Variants in NTNG1 observed in about 807,000 individuals in gnomAD.
NTNG1 encodes netrin G1, also known as netrin-G1.
A neutral mutation model predicts 54.0 loss-of-function variants in NTNG1; 16 were observed. That is an observed-to-expected ratio of 0.30 (90% CI 0.20 to 0.45). The LOEUF (loss-of-function observed/expected upper bound fraction) is 0.45. Ranked by LOEUF, NTNG1 falls within the 20% of genes least tolerant of loss-of-function variation. The pLI is 1.00. For missense variants in NTNG1, 530 were observed against 678.7 expected, an observed-to-expected ratio of 0.78 and a Z score of 2.43; for synonymous variants, 255 against 263.1, an observed-to-expected ratio of 0.97 and a Z score of 0.30.
chr1:107,234,225 C>G lies in NTNG1; in HGVS notation c.246+85386C>G, dbSNP rs147102133. 5.2e-3 allele frequency among the ~76,000 whole-genome samples: 798 copies of G among 152,206 alleles called. 18 individuals carry two copies. Among genetic ancestry groups the G allele is most frequent in the African/African-American group, 0.019 (769 of 41,536 alleles). On this transcript the variant is annotated intron_variant, in intron 2 of 7. Coordinates refer to ENST00000370068, the MANE Select transcript of NTNG1 (RefSeq NM_001113226.3). Reference sequence around the variant, plus strand: ...GCAACGTCTGTCTCCTGGGTTCAAGCGATTTTCCTGCCTCAGTCTCCCGAG... The same window carrying G: ...GCAACGTCTGTCTCCTGGGTTCAAGGGATTTTCCTGCCTCAGTCTCCCGAG...
intron 2 of NTNG1, among the ~76,000 whole-genome samples, chr1:107,163,177 C>T (rs1655534841): frequency 6.6e-6 from 1 of 152,062 alleles, no homozygotes; most frequent in South Asian, 2.1e-4. Flanking sequence ...TTTCTGGGAT[C>T]AGAAGCTTTT....
At chr1:107,164,774 T>C (rs955387126) in intron 2 of NTNG1, among the ~76,000 whole-genome samples, 2 of 151,112 alleles carry the variant, frequency 1.3e-5, no homozygotes, top group African/African-American at 5.0e-5. Context: ...AAAACGCTTG[T>C]TCCTCAGTGC....
At chr1:107,419,734 AAC>A (rs977882238) in intron 5 of NTNG1, among the ~76,000 whole-genome samples, 1 of 152,004 alleles carries the variant, frequency 6.6e-6, no homozygotes, top group Non-Finnish European at 1.5e-5. Flanking sequence ...CAAAAGGAGG[AAC>A]CAGGAAATAG....
rs74943792 is a variant in NTNG1, at chr1:107,339,071, T to G, written c.887+14149T>G. ...AGAGCAAGTCAGTTGAGAAATCCCATCCACATTCACTTTAGAACCATTATT... is the reference window on the plus strand; with the variant it reads ...AGAGCAAGTCAGTTGAGAAATCCCAGCCACATTCACTTTAGAACCATTATT... On this transcript the variant is annotated intron_variant, in intron 3 of 7. Coordinates refer to ENST00000370068, the MANE Select transcript of NTNG1 (RefSeq NM_001113226.3). 6.0e-3 allele frequency among the ~76,000 whole-genome samples: 915 copies of G among 152,104 alleles called. 10 individuals carry two copies. The highest frequency in any genetic ancestry group is 6.8e-3 in the Non-Finnish European group (463 of 67,932).
At chr1:107,346,271 T>C (rs1331291256) in intron 3 of NTNG1, among the ~76,000 whole-genome samples, 2 of 152,218 alleles carry the variant, frequency 1.3e-5, no homozygotes, top group East Asian at 3.9e-4. Context: ...TTTCTTTGGC[T>C]CTGGGTATAG....
At chr1:107,400,045 T>C (rs1570872848) in intron 4 of NTNG1, among the ~76,000 whole-genome samples, 1 of 152,170 alleles carries the variant, frequency 6.6e-6, no homozygotes, top group Non-Finnish European at 1.5e-5. Context: ...CTTAGTATTA[T>C]TGATTTAGTC....
chr1:107,142,692 A>G (rs1653819889), intron 1 of NTNG1, among the ~76,000 whole-genome samples: 1 of 150,126 alleles, frequency 6.7e-6, no homozygotes, highest in Non-Finnish European at 1.5e-5. Context: ...AAAAAAACCC[A>G]GGAAGATCTT....
At chr1:107,293,888 A>AT (rs34404098) in intron 2 of NTNG1, among the ~76,000 whole-genome samples, 61,767 of 151,844 alleles carry the variant, frequency 0.41, 12,657 homozygotes, top group East Asian at 0.5. Flanking sequence ...CTTATAAGTG[A>AT]TTTTTTTTCT....
Position 107,324,677 on chromosome 1 carries a change from T to C in NTNG1, c.642T>C (p.Tyr214=). 6.2e-7 allele frequency: 1 copy of C among 1,613,618 alleles called. No homozygotes were observed. The highest frequency in any genetic ancestry group is 8.5e-7 in the Non-Finnish European group (1 of 1,179,788). ...GCACAGAAGAGTACTCAACAGGGTATACAACAAATAGCAAAATAATCCACT... is the reference window on the plus strand; with the variant it reads ...GCACAGAAGAGTACTCAACAGGGTACACAACAAATAGCAAAATAATCCACT... ...IICTEEYSTG[Y]TTNSKIIHFE... The change falls in exon 3 of 8, where the codon TAT becomes TAC. Residue 214 remains tyrosine (Y), a synonymous_variant. Coordinates refer to ENST00000370068, the MANE Select transcript of NTNG1 (RefSeq NM_001113226.3).
chr1:107,251,730 G>A (rs1447718457), intron 2 of NTNG1, among the ~76,000 whole-genome samples: 1 of 152,142 alleles, frequency 6.6e-6, no homozygotes, highest in Non-Finnish European at 1.5e-5. Flanking sequence ...TAGACAGTAA[G>A]GGCCCTTCCT....
At chr1:107,319,244 G>A (rs973548466) in intron 2 of NTNG1, among the ~76,000 whole-genome samples, 5 of 152,140 alleles carry the variant, frequency 3.3e-5, no homozygotes, top group African/African-American at 1.2e-4. Context: ...GAATTTGGGA[G>A]CAGAAGGACT....
intron 2 of NTNG1, among the ~76,000 whole-genome samples, chr1:107,307,205 T>G (rs1300691713): frequency 6.6e-6 from 1 of 152,216 alleles, no homozygotes; most frequent in Non-Finnish European, 1.5e-5. Context: ...TAAAATTGCA[T>G]TTTGCATTTA....
At chr1:107,390,323 A>C (rs896451304) in intron 3 of NTNG1, among the ~76,000 whole-genome samples, 4 of 152,220 alleles carry the variant, frequency 2.6e-5, no homozygotes, top group African/African-American at 9.6e-5. Flanking sequence ...CCATCCTTGC[A>C]TGAGACATTA....
chr1:107,333,864 G>T (rs1416536302), intron 3 of NTNG1: 2 of 148,670 alleles, frequency 1.3e-5, no homozygotes, highest in African/African-American at 2.5e-5. Flanking sequence ...TTTGAACCTT[G>T]GAGTACTATG....
At chr1:107,369,130 T>A (rs925242103) in intron 3 of NTNG1, among the ~76,000 whole-genome samples, 3 of 152,232 alleles carry the variant, frequency 2.0e-5, no homozygotes, top group Non-Finnish European at 4.4e-5. Flanking sequence ...TGTGTATTAT[T>A]CCATTATTTA....
chr1:107,366,983 G>T (rs1286631212), intron 3 of NTNG1, among the ~76,000 whole-genome samples: 1 of 151,842 alleles, frequency 6.6e-6, no homozygotes, highest in African/African-American at 2.4e-5. Context: ...TATATTACTT[G>T]CTTGATCTAT....
At chr1:107,418,275 T>C (rs1414515280) in intron 5 of NTNG1, among the ~76,000 whole-genome samples, 1 of 152,086 alleles carries the variant, frequency 6.6e-6, no homozygotes, top group East Asian at 1.9e-4. Context: ...CTTTACATAA[T>C]GGTTTGGATT....
At chr1:107,261,395 TAAC>T (rs1663314756) in intron 2 of NTNG1, among the ~76,000 whole-genome samples, 1 of 152,104 alleles carries the variant, frequency 6.6e-6, no homozygotes, top group Non-Finnish European at 1.5e-5. Flanking sequence ...GGGAATTTGT[TAAC>T]ATCAGGTGGA....
chr1:107,334,457 A>AG (rs1411458600), intron 3 of NTNG1, among the ~76,000 whole-genome samples: 2 of 149,102 alleles, frequency 1.3e-5, no homozygotes, highest in African/African-American at 4.9e-5. Context: ...AGATGGGGGA[A>AG]GGGTGGGCCA....
Sources: allele counts gnomAD v4.1 joint callset (sites outside exome capture counted in the v4.1 genomes callset), GRCh38; gene constraint gnomAD v4.1.1; transcripts MANE v1.5; gene names NCBI Gene and HGNC (gene_info 2026-07-23, HGNC 2026-07-21).